The following DOCK2 variants were observed in gnomAD, a reference collection of about 807,000 sequenced individuals.
The protein encoded by DOCK2 is dedicator of cytokinesis 2.
In DOCK2, 87 loss-of-function variants were observed where a neutral mutation model predicts 248.9. That is an observed-to-expected ratio of 0.35 (90% CI 0.29 to 0.42). The LOEUF is 0.42. Ranked by LOEUF, DOCK2 falls within the 10% of genes least tolerant of loss-of-function variation. The pLI, the probability that DOCK2 is intolerant of heterozygous loss-of-function variation, is 1.00. For synonymous variants in DOCK2, 805 were observed against 821.6 expected (o/e 0.98, Z 0.35); for missense variants, 1,747 against 2,300.2 (o/e 0.76, Z 4.92).
At position 169,686,800 on chromosome 5, in the gene DOCK2, T is replaced by G. The variant is rs563883012; in HGVS notation, c.761+2450T>G. Among the ~76,000 whole-genome samples the G allele has an allele frequency of 5.0e-4, 76 of 152,314 alleles. 3 individuals carry two copies. The South Asian group carries it at 0.015, about 30-fold the overall frequency. Reference sequence around the variant, plus strand: ...CACGGTCAGATACCCAGTAGATCCCTGAAGGGATCCTGTTTGGGAAATTTA... The same window carrying G: ...CACGGTCAGATACCCAGTAGATCCCGGAAGGGATCCTGTTTGGGAAATTTA... On this transcript the variant is annotated intron_variant, in intron 8 of 51. Transcript: ENST00000520908.
intron 22 of DOCK2, among the ~76,000 whole-genome samples, chr5:169,732,098 G>T (rs1762805474): frequency 6.6e-6 from 1 of 152,152 alleles, no homozygotes; most frequent in Non-Finnish European, 1.5e-5. Context: ...CAGCCTGGGT[G>T]ACAGAGTGAG....
At chr5:169,862,355 A>G (rs1273681451) in intron 27 of DOCK2, among the ~76,000 whole-genome samples, 1 of 152,232 alleles carries the variant, frequency 6.6e-6, no homozygotes, top group East Asian at 1.9e-4. Flanking sequence ...ATTCACATGA[A>G]ATTAGCGTAA....
intron 27 of DOCK2, among the ~76,000 whole-genome samples, chr5:169,969,776 G>A (rs1483511873): frequency 6.6e-6 from 1 of 152,216 alleles, no homozygotes; most frequent in Non-Finnish European, 1.5e-5. Flanking sequence ...AGACCAAGAT[G>A]AGTTGGTTAC....
intron 35 of DOCK2, among the ~76,000 whole-genome samples, chr5:170,035,543 C>T (rs150855532): frequency 9.2e-5 from 14 of 152,278 alleles, no homozygotes; most frequent in East Asian, 3.9e-4. Context: ...GTGTTTTCCA[C>T]GAGCTGAGCA....
intron 27 of DOCK2, among the ~76,000 whole-genome samples, chr5:169,982,147 G>A (rs1172416019): frequency 6.6e-6 from 1 of 150,578 alleles, no homozygotes; most frequent in Non-Finnish European, 1.5e-5. Flanking sequence ...CTGGACCACA[G>A]TAGAACTTCA....
At chr5:169,819,320 C>A (rs548855521) in intron 26 of DOCK2, among the ~76,000 whole-genome samples, 1 of 151,872 alleles carries the variant, frequency 6.6e-6, no homozygotes, top group East Asian at 2.0e-4. Flanking sequence ...CAAACAACAA[C>A]AACAACAAAA....
At chr5:170,069,720 G>A (rs958533779) in intron 46 of DOCK2, among the ~76,000 whole-genome samples, 12 of 152,146 alleles carry the variant, frequency 7.9e-5, no homozygotes, top group Non-Finnish European at 1.8e-4. Context: ...GTGAGTCAAA[G>A]GGTCTACATC....
Position 170,018,839 on chromosome 5 carries a change from T to C in DOCK2, c.3233-121T>C, listed in dbSNP as rs1307067443. ...GCCTGGCTCATGGTAAACAACTATA[T>C]AAGTGTTAACTATTGTTTTTACTAT... On this transcript the variant is annotated intron_variant, in intron 32 of 51. Coordinates refer to ENST00000520908, the MANE Select transcript of DOCK2 (RefSeq NM_004946.3). The C allele has an allele frequency of 1.2e-5, 15 of 1,268,438 alleles. No individual in the cohort carries two copies. The South Asian group carries it at 1.9e-4, about 16-fold the overall frequency. The allele number at this position is 1,268,438 out of a possible 1,614,324, so 78.6% of individuals were successfully genotyped here.
intron 50 of DOCK2, chr5:170,081,083 G>A (rs1230635391): frequency 6.6e-6 from 1 of 152,342 alleles, no homozygotes; most frequent in Non-Finnish European, 1.5e-5. Flanking sequence ...AGTAGTTCAT[G>A]TTATCCACCC....
chr5:170,064,055 G>A (rs1168000777), intron 44 of DOCK2, among the ~76,000 whole-genome samples: 1 of 152,056 alleles, frequency 6.6e-6, no homozygotes, highest in African/African-American at 2.4e-5. Context: ...TAAACTATAG[G>A]GGTCTACAAA....
chr5:169,988,786 A>C (rs1425951395), intron 29 of DOCK2, among the ~76,000 whole-genome samples: 1 of 152,166 alleles, frequency 6.6e-6, no homozygotes, highest in Non-Finnish European at 1.5e-5. Context: ...TAATCTCCAT[A>C]TTATTAAGTG....
intron 30 of DOCK2, among the ~76,000 whole-genome samples, chr5:169,997,133 G>T (rs530472979): frequency 6.6e-6 from 1 of 150,646 alleles, no homozygotes; most frequent in Non-Finnish European, 1.5e-5. Context: ...AGACCAACAC[G>T]TGAACAAAGG....
intron 34 of DOCK2, 88 bp downstream of exon 34, chr5:170,028,036 C>T (rs1426604384): frequency 8.4e-7 from 1 of 1,183,924 alleles, no homozygotes; most frequent in African/African-American, 1.5e-5. Context: ...CCGAGTGGCT[C>T]TGTCCTCCCC....
intron 27 of DOCK2, among the ~76,000 whole-genome samples, chr5:169,941,883 C>T (rs1481910951): frequency 2.6e-5 from 4 of 152,184 alleles, no homozygotes; most frequent in Non-Finnish European, 4.4e-5. Context: ...AGCAGGGTCA[C>T]GCTGCATCAG....
chr5:170,024,506 G>A (rs557491141), intron 33 of DOCK2, among the ~76,000 whole-genome samples: 15 of 152,080 alleles, frequency 9.9e-5, no homozygotes, highest in Admixed American at 6.5e-5. Flanking sequence ...TGATGCCTAT[G>A]ATGATGACAA....
intron 6 of DOCK2, among the ~76,000 whole-genome samples, chr5:169,681,197 C>T (rs754497838): frequency 6.9e-6 from 1 of 145,158 alleles, no homozygotes; most frequent in African/African-American, 2.6e-5. Flanking sequence ...AATCTCGGCT[C>T]GCTGCAACTT....
At chr5:169,996,258 C>A in intron 30 of DOCK2, 94 bp downstream of exon 30, 1 of 1,303,838 alleles carries the variant, frequency 7.7e-7, no homozygotes, top group Non-Finnish European at 1.1e-6. Flanking sequence ...CCAAAGGCCA[C>A]AGAAGCTGTC....
At chr5:170,081,143 T>TATCA (rs2113880315) in intron 50 of DOCK2, 1 of 152,690 alleles carries the variant, frequency 6.5e-6, no homozygotes, top group Admixed American at 6.5e-5. Context: ...CTCTCTTGCC[T>TATCA]ATCACCAGCC....
intron 48 of DOCK2, among the ~76,000 whole-genome samples, chr5:170,078,447 C>G (rs1270971731): frequency 6.6e-6 from 1 of 152,182 alleles, no homozygotes; most frequent in Non-Finnish European, 1.5e-5. Flanking sequence ...TAGGGGGCAC[C>G]ATTCACCCTG....
Sources: allele counts gnomAD v4.1 joint callset (sites outside exome capture counted in the v4.1 genomes callset), GRCh38; gene constraint gnomAD v4.1.1; transcripts MANE v1.5; gene names NCBI Gene and HGNC (gene_info 2026-07-23, HGNC 2026-07-21).